The following SLC8A1 variants were observed in gnomAD, a reference collection of about 807,000 sequenced individuals.
SLC8A1 encodes the protein solute carrier family 8 member A1.
SLC8A1 carries 18 observed loss-of-function variants against 68.3 expected under a neutral mutation model. The observed-to-expected ratio is 0.26, with a 90% CI of 0.18 to 0.39. The LOEUF is 0.39. Among genes scored for constraint, SLC8A1 ranks in the 10% least tolerant of loss-of-function variants. The pLI, the probability that SLC8A1 is intolerant of heterozygous loss-of-function variation, is 1.00. For missense variants in SLC8A1, 985 were observed against 1,156.7 expected (o/e 0.85, Z 2.15); for synonymous variants, 475 against 415.5 (o/e 1.14, Z -1.74).
chr2:40,394,319 G>T (rs894826525), intron 2 of SLC8A1, among the ~76,000 whole-genome samples: 2 of 151,856 alleles, frequency 1.3e-5, no homozygotes, highest in Admixed American at 6.6e-5. Context: ...TTCTAACTTG[G>T]GTATTTCTGC....
chr2:40,142,936 G>A (rs2148312802), intron 6 of SLC8A1, among the ~76,000 whole-genome samples: 1 of 142,480 alleles, frequency 7.0e-6, no homozygotes. Flanking sequence ...AATGCAAAAT[G>A]TGTGTGTGAG....
chr2:40,441,275 G>A (rs773677880), intron 1 of SLC8A1, among the ~76,000 whole-genome samples: 3 of 151,938 alleles, frequency 2.0e-5, no homozygotes, highest in Non-Finnish European at 4.4e-5. Context: ...AGGAAATAAG[G>A]GAGGACAGAA....
chr2:40,380,723 G>C (rs187254208), intron 2 of SLC8A1, among the ~76,000 whole-genome samples: 1 of 152,044 alleles, frequency 6.6e-6, no homozygotes, highest in Admixed American at 6.6e-5. Flanking sequence ...AGAATTTCCT[G>C]AGCAATGATG....
intron 1 of SLC8A1, among the ~76,000 whole-genome samples, chr2:40,467,399 G>T (rs1198081876): frequency 6.6e-6 from 1 of 152,108 alleles, no homozygotes; most frequent in Non-Finnish European, 1.5e-5. Flanking sequence ...CTTCTGATGG[G>T]GGTGGGGGTG....
intron 2 of SLC8A1, among the ~76,000 whole-genome samples, chr2:40,361,375 G>T (rs769511408): frequency 9.9e-5 from 15 of 152,052 alleles, no homozygotes; most frequent in Admixed American, 9.8e-4. Flanking sequence ...TGGAAGATCA[G>T]TTGGGCACAT....
At chr2:40,209,297 G>A (rs1428578) in intron 2 of SLC8A1, 4,640 of 152,304 alleles carry the variant, frequency 0.03, 252 homozygotes, top group African/African-American at 0.11. Context: ...TATTTGAAGG[G>A]GAGGCAGGGG....
At chr2:40,222,534 A>G (rs541550381) in intron 2 of SLC8A1, among the ~76,000 whole-genome samples, 1 of 152,358 alleles carries the variant, frequency 6.6e-6, no homozygotes, top group African/African-American at 2.4e-5. Context: ...ATGGGATCTG[A>G]TTAAACTGAA....
At chr2:40,184,578 G>A (rs1254868697) in intron 2 of SLC8A1, among the ~76,000 whole-genome samples, 1 of 152,114 alleles carries the variant, frequency 6.6e-6, no homozygotes, top group African/African-American at 2.4e-5. Context: ...CTGGCGATAC[G>A]TTTTTACACA....
chr2:40,306,794 T>C (rs1183228738), intron 2 of SLC8A1, among the ~76,000 whole-genome samples: 2 of 152,138 alleles, frequency 1.3e-5, no homozygotes, highest in African/African-American at 4.8e-5. Context: ...CCAGGTGAAG[T>C]AACATTTGTG....
intron 1 of SLC8A1, among the ~76,000 whole-genome samples, chr2:40,505,745 T>C (rs1361974719): frequency 5.3e-5 from 8 of 151,974 alleles, no homozygotes; most frequent in Non-Finnish European, 1.2e-4. Context: ...TGCATACATA[T>C]TTGGAGTACT....
chr2:40,284,824 A>C (rs1298921311), intron 2 of SLC8A1, among the ~76,000 whole-genome samples: 1 of 151,992 alleles, frequency 6.6e-6, no homozygotes. Flanking sequence ...GGTTTATGCA[A>C]TTGAGCAGTA....
intron 2 of SLC8A1, among the ~76,000 whole-genome samples, chr2:40,283,145 T>C (rs1238486880): frequency 6.6e-6 from 1 of 152,208 alleles, no homozygotes; most frequent in Non-Finnish European, 1.5e-5. Context: ...TCCACTCTGT[T>C]AAAATAAAAT....
At chr2:40,492,454 A>G (rs545254579) in intron 1 of SLC8A1, among the ~76,000 whole-genome samples, 2 of 152,320 alleles carry the variant, frequency 1.3e-5, no homozygotes, top group South Asian at 4.1e-4. Context: ...CATGTCAAAA[A>G]CACCAAAAGC....
chr2:40,428,521 T>C (rs745561024), exon 2 of SLC8A1: 10 of 1,611,698 alleles, frequency 6.2e-6, no homozygotes, highest in Non-Finnish European at 8.5e-6. Context: ...GTCCTCAAAA[T>C]CCTCCCCTCC....
At chr2:40,434,101 C>T (rs1355994756) in intron 1 of SLC8A1, among the ~76,000 whole-genome samples, 1 of 152,184 alleles carries the variant, frequency 6.6e-6, no homozygotes, top group Non-Finnish European at 1.5e-5. Context: ...TTTATCCCTT[C>T]CCTAGCCCAC....
intron 1 of SLC8A1, among the ~76,000 whole-genome samples, chr2:40,463,812 G>C (rs1703476925): frequency 6.8e-6 from 1 of 147,044 alleles, no homozygotes; most frequent in African/African-American, 2.6e-5. Context: ...GAGGATTAAA[G>C]AGGATATATA....
chr2:40,325,349 A>G (rs543630641), intron 2 of SLC8A1, among the ~76,000 whole-genome samples: 133 of 152,270 alleles, frequency 8.7e-4, no homozygotes, highest in African/African-American at 3.1e-3. Flanking sequence ...ACCAGGAAAA[A>G]GTCCCAGCCT....
chr2:40,128,164 A>G (rs1386310380), intron 7 of SLC8A1, among the ~76,000 whole-genome samples: 1 of 152,192 alleles, frequency 6.6e-6, no homozygotes, highest in East Asian at 1.9e-4. Context: ...CCCCAAACAG[A>G]TATTAAAATT....
At chr2:40,102,908 G>A (rs2033981709) in exon 8 of SLC8A1, 1 of 152,012 alleles carries the variant, frequency 6.6e-6, no homozygotes, top group South Asian at 2.1e-4. Flanking sequence ...AATGAGAGAA[G>A]GAAAAGTAAT....
Sources: allele counts gnomAD v4.1 joint callset (sites outside exome capture counted in the v4.1 genomes callset), GRCh38; gene constraint gnomAD v4.1.1; transcripts MANE v1.5; gene names NCBI Gene and HGNC (gene_info 2026-07-23, HGNC 2026-07-21).